The following SP4 variants were observed in gnomAD, a reference collection of about 807,000 sequenced individuals.
The protein encoded by SP4 is Sp4 transcription factor.
A neutral mutation model predicts 72.8 loss-of-function variants in SP4; 19 were observed. The observed-to-expected ratio is 0.26, with a 90% CI of 0.18 to 0.38. The LOEUF is 0.38. Among genes scored for constraint, SP4 ranks in the 10% least tolerant of loss-of-function variants. The probability of loss-of-function intolerance (pLI) is 1.00; values close to 1 mark genes in which losing one functional copy is unlikely to be tolerated. For missense variants in SP4, 1,008 were observed against 926.3 expected (o/e 1.09, Z -1.14); for synonymous variants, 395 against 333.1 (o/e 1.19, Z -2.02).
In SP4 at chr7:21,428,677, A is replaced by T; in HGVS notation, c.8A>T (p.Asp3Val). The T allele has an allele frequency of 6.5e-7, 1 of 1,549,724 alleles. No individual in the cohort carries two copies. The highest frequency in any genetic ancestry group is 8.7e-7 in the Non-Finnish European group (1 of 1,144,648). The change falls in exon 2 of 6, where the codon GAT becomes GTT. Residue 3 changes from aspartate (D) to valine (V), a missense_variant and splice_region_variant. Around this residue, in one of 3 missense-constraint regions of SP4, gnomAD observed 893 missense variants for 743.3 expected, o/e 1.20. Transcript: ENST00000222584. ...TGTGTGGTGGGGGGGTTTGTTGCAGATCAGAAGAAGGAGGAGGAGGAGGAG... is the reference window on the plus strand; with the variant it reads ...TGTGTGGTGGGGGGGTTTGTTGCAGTTCAGAAGAAGGAGGAGGAGGAGGAG... Reference protein sequence around the residue: MSDQKKEEEEEAA... With the variant: MSVQKKEEEEEAA...
At chr7:21,456,788 T>TGATA (rs1783777780) in intron 3 of SP4, among the ~76,000 whole-genome samples, 1 of 152,200 alleles carries the variant, frequency 6.6e-6, no homozygotes, top group Non-Finnish European at 1.5e-5. Flanking sequence ...CGCCTGTCAG[T>TGATA]GATATGTCTG....
chr7:21,489,228 G>A (rs540541291), intron 5 of SP4, among the ~76,000 whole-genome samples: 3 of 152,248 alleles, frequency 2.0e-5, no homozygotes, highest in East Asian at 1.9e-4. Flanking sequence ...AAATTCATTT[G>A]GGAATGAAAC....
At chr7:21,461,312 G>C (rs1651486182) in intron 3 of SP4, among the ~76,000 whole-genome samples, 1 of 152,096 alleles carries the variant, frequency 6.6e-6, no homozygotes, top group Non-Finnish European at 1.5e-5. Context: ...GACTCAGGCT[G>C]TGCAGGAGCC....
At chr7:21,509,956 C>T (rs1299533440) in intron 5 of SP4, among the ~76,000 whole-genome samples, 1 of 152,142 alleles carries the variant, frequency 6.6e-6, no homozygotes, top group Non-Finnish European at 1.5e-5. Flanking sequence ...AGGAGCAAAT[C>T]ACATCTCGTG....
intron 3 of SP4, among the ~76,000 whole-genome samples, chr7:21,442,008 G>T (rs1459206428): frequency 1.7e-4 from 3 of 17,858 alleles, no homozygotes; most frequent in African/African-American, 8.5e-4. Context: ...GTGTGTGTTT[G>T]TGTGTGTGTG....
At chr7:21,466,700 A>G (rs938070350) in intron 3 of SP4, among the ~76,000 whole-genome samples, 1 of 152,222 alleles carries the variant, frequency 6.6e-6, no homozygotes, top group Non-Finnish European at 1.5e-5. Flanking sequence ...TTTCATTTAT[A>G]GTTCATCTAC....
intron 5 of SP4, among the ~76,000 whole-genome samples, chr7:21,485,448 A>G (rs952017154): frequency 6.6e-6 from 1 of 151,996 alleles, no homozygotes; most frequent in Non-Finnish European, 1.5e-5. Context: ...CCTGCTTTCC[A>G]GAGAATATCA....
chr7:21,490,529 G>A (rs1257256618), intron 5 of SP4, among the ~76,000 whole-genome samples: 13 of 152,190 alleles, frequency 8.5e-5, no homozygotes, highest in Admixed American at 2.0e-4. Flanking sequence ...GGTCCCAGTC[G>A]TGGTGTAAGT....
intron 3 of SP4, among the ~76,000 whole-genome samples, chr7:21,440,135 C>T (rs1452874294): frequency 6.6e-6 from 1 of 152,130 alleles, no homozygotes; most frequent in Non-Finnish European, 1.5e-5. Context: ...AATTAAAACT[C>T]ACATTTTTGC....
chr7:21,451,554 T>C (rs564168362), intron 3 of SP4, among the ~76,000 whole-genome samples: 1 of 152,276 alleles, frequency 6.6e-6, no homozygotes, highest in East Asian at 1.9e-4. Flanking sequence ...TCTTGGCCTC[T>C]TGCTGGCTGT....
At chr7:21,452,905 C>T (rs754766034) in intron 3 of SP4, among the ~76,000 whole-genome samples, 7 of 151,926 alleles carry the variant, frequency 4.6e-5, no homozygotes, top group Non-Finnish European at 1.0e-4. Flanking sequence ...GCCTCAGCCT[C>T]CTTAGTAGCT....
At chr7:21,450,203 C>T (rs1783547019) in intron 3 of SP4, among the ~76,000 whole-genome samples, 1 of 151,924 alleles carries the variant, frequency 6.6e-6, no homozygotes, top group African/African-American at 2.4e-5. Context: ...TAAAGATTTT[C>T]CAGGATTTCT....
rs76463575 is a variant in SP4, at chr7:21,481,183, A to G, written c.1908-741A>G. Among the ~76,000 whole-genome samples the G allele has an allele frequency of 3.5e-4, 53 of 152,314 alleles. No homozygotes were observed. In the East Asian group the frequency reaches 9.5e-3, roughly 27 times the overall value. ...CCAGGGCTAAGGACTTGGTTCTGCTACACTTGCCTGGAACTTAGCAACAGG... is the reference window on the plus strand; with the variant it reads ...CCAGGGCTAAGGACTTGGTTCTGCTGCACTTGCCTGGAACTTAGCAACAGG... On this transcript the variant is annotated intron_variant, in intron 4 of 5. Coordinates refer to ENST00000222584, the MANE Select transcript of SP4 (RefSeq NM_003112.5).
chr7:21,436,252 G>A (rs958281468), intron 3 of SP4, among the ~76,000 whole-genome samples: 1 of 152,094 alleles, frequency 6.6e-6, no homozygotes, highest in African/African-American at 2.4e-5. Flanking sequence ...AATATATAAT[G>A]AGTAATACTT....
intron 3 of SP4, among the ~76,000 whole-genome samples, chr7:21,435,450 C>A (rs1015580133): frequency 2.0e-5 from 3 of 151,940 alleles, no homozygotes; most frequent in African/African-American, 7.2e-5. Flanking sequence ...TGAATTCAAT[C>A]CAGTAAAATT....
chr7:21,479,264 GT>G (rs57884512), intron 4 of SP4, among the ~76,000 whole-genome samples: 108 of 139,516 alleles, frequency 7.7e-4, no homozygotes, highest in Admixed American at 1.0e-3. Context: ...ATTCCTAGTT[GT>G]TTTTTTTTTT....
At chr7:21,468,235 TA>T (rs372380772) in intron 3 of SP4, among the ~76,000 whole-genome samples, 8 of 152,170 alleles carry the variant, frequency 5.3e-5, no homozygotes, top group African/African-American at 1.7e-4. Context: ...TTTATTCTAC[TA>T]TTCTGCTTTT....
At chr7:21,454,829 C>T (rs766309397) in intron 3 of SP4, among the ~76,000 whole-genome samples, 69 of 152,246 alleles carry the variant, frequency 4.5e-4, no homozygotes, top group Non-Finnish European at 7.2e-4. Context: ...AGGTTGGGCA[C>T]CCATCTTTGA....
At chr7:21,493,414 G>T (rs1562623907) in intron 5 of SP4, among the ~76,000 whole-genome samples, 1 of 152,118 alleles carries the variant, frequency 6.6e-6, no homozygotes, top group East Asian at 1.9e-4. Context: ...GAAATTCGTA[G>T]CATTAAATGC....
Sources: gnomAD v4.1 joint callset for allele counts (sites outside exome capture counted in the v4.1 genomes callset) on GRCh38, gnomAD v4.1.1 for gene constraint, gnomAD v4.1.1 regional missense constraint, MANE v1.5 for transcripts, NCBI Gene and HGNC (gene_info 2026-07-23, HGNC 2026-07-21) for gene names.